Variants in DNAH5 observed in about 807,000 individuals in gnomAD.
DNAH5 encodes axonemal beta dynein heavy chain 5.
In DNAH5, 372 loss-of-function variants were observed where a neutral mutation model predicts 518.2. That is an observed-to-expected ratio of 0.72 (90% CI 0.66 to 0.78). The LOEUF is 0.78. DNAH5 is among the 30% of genes least tolerant of loss of function. The pLI, the probability that DNAH5 is intolerant of heterozygous loss-of-function variation, is 0.00. For synonymous variants in DNAH5, 2,039 were observed against 2,025.9 expected, an observed-to-expected ratio of 1.01 and a Z score of -0.17; for missense variants, 5,523 against 5,687.0, an observed-to-expected ratio of 0.97 and a Z score of 0.93.
intron 52 of DNAH5, among the ~76,000 whole-genome samples, chr5:13,783,006 G>A (rs1159317122): frequency 3.9e-5 from 6 of 152,176 alleles, no homozygotes; most frequent in Non-Finnish European, 2.9e-5. Context: ...ATGAGCCATG[G>A]TGAGCACTGG....
intron 1 of DNAH5, among the ~76,000 whole-genome samples, chr5:13,980,647 A>C (rs1782608736): frequency 6.6e-6 from 1 of 151,796 alleles, no homozygotes; most frequent in Non-Finnish European, 1.5e-5. Flanking sequence ...CACCACCATC[A>C]TCTCTCACCC....
chr5:13,951,863 A>G (rs922828897), intron 1 of DNAH5, among the ~76,000 whole-genome samples: 28 of 152,360 alleles, frequency 1.8e-4, no homozygotes, highest in Admixed American at 9.1e-4. Context: ...AGTTAGGTTT[A>G]CCAGCAAACA....
chr5:13,771,369 T>A (rs1753315520), intron 55 of DNAH5: 3 of 269,212 alleles, frequency 1.1e-5, no homozygotes, highest in Non-Finnish European at 2.2e-5. Context: ...ATTTATTTTG[T>A]CACTCAGAAC....
intron 12 of DNAH5, among the ~76,000 whole-genome samples, chr5:13,910,622 A>G (rs1177548230): frequency 2.0e-5 from 3 of 152,148 alleles, no homozygotes; most frequent in African/African-American, 7.2e-5. Flanking sequence ...TATGGTAGAT[A>G]CCTGCTGGGT....
At chr5:13,926,694 A>G (rs551002867) in intron 3 of DNAH5, among the ~76,000 whole-genome samples, 2 of 152,164 alleles carry the variant, frequency 1.3e-5, no homozygotes, top group African/African-American at 4.8e-5. Context: ...CCAAGTTCAG[A>G]AGGACTATCA....
At chr5:13,980,673 C>T (rs1472123308) in intron 1 of DNAH5, among the ~76,000 whole-genome samples, 1 of 152,178 alleles carries the variant, frequency 6.6e-6, no homozygotes, top group African/African-American at 2.4e-5. Flanking sequence ...ACTGCAGTAG[C>T]ACCCAAATGG....
rs1015891021 is a variant in DNAH5, at chr5:13,876,175, A to G, written c.3396+509T>C. On this transcript the variant is annotated intron_variant, in intron 22 of 78. Coordinates refer to ENST00000265104, the MANE Select transcript of DNAH5 (RefSeq NM_001369.3). The stretch of plus-strand genomic sequence containing the variant: ...AAAGAAAAAATTGCCTTGAATGTAC[A>G]TTCATGTCCAGTTCAAGTTTGTATT... Among the ~76,000 whole-genome samples, 4 of 152,208 alleles carry G rather than the reference A, an allele frequency of 2.6e-5. No individual in the cohort carries two copies. The South Asian group carries it at 8.3e-4, about 32-fold the overall frequency.
intron 50 of DNAH5, among the ~76,000 whole-genome samples, chr5:13,789,751 T>C (rs762923692): frequency 9.2e-5 from 14 of 152,200 alleles, no homozygotes; most frequent in Non-Finnish European, 1.6e-4. Flanking sequence ...GCTATTTCAA[T>C]AGTAATCTTT....
At chr5:13,692,447 C>T (rs1283288176) in intron 78 of DNAH5, among the ~76,000 whole-genome samples, 2 of 152,150 alleles carry the variant, frequency 1.3e-5, no homozygotes, top group African/African-American at 2.4e-5. Context: ...TCAACATCCC[C>T]TCCACCTGTT....
At position 13,777,302 on chromosome 5, in the gene DNAH5, G is replaced by C. The variant is rs980178313; in HGVS notation, c.9005C>G (p.Ala3002Gly). The change falls in exon 54 of 79, where the codon GCT (alanine) becomes GGT (glycine). Residue 3002 changes from alanine to glycine, a missense_variant. Around this residue, in one of 3 missense-constraint regions of DNAH5, gnomAD observed 5,121 missense variants for 5,223.3 expected, o/e 0.98. Coordinates refer to ENST00000265104, the MANE Select transcript of DNAH5 (RefSeq NM_001369.3). ...AGTGATTCCTTTGCCTTGCTGACCA[G>C]CTGTTCGATACAAAACCTTCAGATC... ...MEDLKVLYRT[A>G]GQQGKGITFI... The C allele has an allele frequency of 6.8e-6, 11 of 1,613,212 alleles. No homozygotes were observed. Among genetic ancestry groups the C allele is most frequent in the Non-Finnish European group, 9.3e-6 (11 of 1,179,590 alleles).
chr5:13,976,838 A>G (rs1782298146), intron 1 of DNAH5, among the ~76,000 whole-genome samples: 1 of 152,146 alleles, frequency 6.6e-6, no homozygotes, highest in Non-Finnish European at 1.5e-5. Context: ...TCATGCAATT[A>G]CAAAGACTTC....
In DNAH5 at chr5:13,805,427, G is replaced by T. The variant is rs567518799; in HGVS notation, c.7887+2164C>A. Among the ~76,000 whole-genome samples, 3 of 152,256 alleles carry T rather than the reference G, an allele frequency of 2.0e-5. No homozygotes were observed. In the South Asian group the frequency reaches 6.2e-4, roughly 32 times the overall value. Reference sequence around the variant, plus strand: ...GCAGGAGAATTGCTTGAACCCAGGAGGTGGAGGTTGCAGTGAGCCAAGATC... The same window carrying T: ...GCAGGAGAATTGCTTGAACCCAGGATGTGGAGGTTGCAGTGAGCCAAGATC... On this transcript the variant is annotated intron_variant, in intron 47 of 78. Coordinates refer to ENST00000265104, the MANE Select transcript of DNAH5 (RefSeq NM_001369.3).
intron 78 of DNAH5, among the ~76,000 whole-genome samples, chr5:13,695,664 C>T (rs1320293340): frequency 6.6e-6 from 1 of 152,094 alleles, no homozygotes; most frequent in Non-Finnish European, 1.5e-5. Context: ...TCTCCATCTG[C>T]AAAATGAGGA....
intron 47 of DNAH5, among the ~76,000 whole-genome samples, chr5:13,804,433 G>C (rs1221062254): frequency 6.6e-6 from 1 of 152,186 alleles, no homozygotes; most frequent in Non-Finnish European, 1.5e-5. Context: ...TTTCAGTTTG[G>C]TTGGGATCCA....
chr5:13,835,939 A>G lies in DNAH5; in HGVS notation c.5882+3417T>C, dbSNP rs545342900. ...AAGGCAAAGGGGTGAAAATGGTCAC[A>G]TTCTAGAAGGAACCTGAAAGCACTG... On this transcript the variant is annotated intron_variant, in intron 35 of 78. Transcript: ENST00000265104. Among the ~76,000 whole-genome samples the G allele has an allele frequency of 2.2e-4, 34 of 152,312 alleles. 1 individual carries two copies. The South Asian group carries it at 2.7e-3, about 12-fold the overall frequency.
chr5:13,971,549 G>A (rs1207833562), intron 1 of DNAH5, among the ~76,000 whole-genome samples: 1 of 152,100 alleles, frequency 6.6e-6, no homozygotes, highest in Non-Finnish European at 1.5e-5. Context: ...TTTCTCTTCT[G>A]GGTCTAGCCA....
intron 2 of DNAH5, among the ~76,000 whole-genome samples, chr5:13,929,313 C>T (rs919276807): frequency 6.6e-5 from 10 of 152,094 alleles, no homozygotes; most frequent in East Asian, 1.9e-4. Context: ...AAGTAGAATG[C>T]GGGGGTTGCC....
At chr5:13,879,718 AC>A (rs2151933881) in intron 21 of DNAH5, among the ~76,000 whole-genome samples, 1 of 152,182 alleles carries the variant, frequency 6.6e-6, no homozygotes, top group Non-Finnish European at 1.5e-5. Flanking sequence ...AGAAAAAAAA[AC>A]AGTGGATTCA....
chr5:13,891,317 T>C (rs1580767758), intron 16 of DNAH5, among the ~76,000 whole-genome samples, 196 bp from the exon 17 acceptor site: 1 of 152,208 alleles, frequency 6.6e-6, no homozygotes. Context: ...CTAATACTAA[T>C]ACTCTGTAGG....
Sources: gnomAD v4.1 joint callset for allele counts (sites outside exome capture counted in the v4.1 genomes callset) on GRCh38, gnomAD v4.1.1 for gene constraint, gnomAD v4.1.1 regional missense constraint, MANE v1.5 for transcripts, NCBI Gene and HGNC (gene_info 2026-07-23, HGNC 2026-07-21) for gene names.